Variants in ERBB4 observed in about 807,000 individuals in gnomAD.
ERBB4 encodes erb-b2 receptor tyrosine kinase 4.
A neutral mutation model predicts 158.0 loss-of-function variants in ERBB4; 42 were observed. That is an observed-to-expected ratio of 0.27 (90% CI 0.21 to 0.34). The LOEUF (loss-of-function observed/expected upper bound fraction) is 0.34. Ranked by LOEUF, ERBB4 falls within the 10% of genes least tolerant of loss-of-function variation. The pLI is 1.00. For missense variants in ERBB4, 1,333 were observed against 1,624.1 expected, an observed-to-expected ratio of 0.82 and a Z score of 3.08; for synonymous variants, 583 against 558.7, an observed-to-expected ratio of 1.04 and a Z score of -0.61.
chr2:212,004,275 G>C (rs1264437060), intron 2 of ERBB4, among the ~76,000 whole-genome samples: 3 of 152,116 alleles, frequency 2.0e-5, no homozygotes, highest in African/African-American at 7.2e-5. Flanking sequence ...ACATCAAGTT[G>C]ACTCCCTCAT....
At chr2:212,525,916 T>C (rs139729192) in intron 1 of ERBB4, among the ~76,000 whole-genome samples, 6 of 152,122 alleles carry the variant, frequency 3.9e-5, no homozygotes, top group African/African-American at 1.4e-4. Flanking sequence ...AGTAAAACTC[T>C]TGAATACCAA....
intron 20 of ERBB4, among the ~76,000 whole-genome samples, chr2:211,532,744 C>A (rs1318620118): frequency 6.6e-6 from 1 of 151,780 alleles, no homozygotes. Flanking sequence ...ATCCAAACTC[C>A]AAAAGGTTCA....
intron 3 of ERBB4, among the ~76,000 whole-genome samples, chr2:211,913,726 G>T (rs2079606823): frequency 1.3e-5 from 2 of 151,066 alleles, no homozygotes; most frequent in South Asian, 4.2e-4. Context: ...TTGGTATAGT[G>T]TCTATCACGT....
chr2:211,966,204 AC>A (rs1263221728), intron 2 of ERBB4, among the ~76,000 whole-genome samples: 1 of 152,104 alleles, frequency 6.6e-6, no homozygotes, highest in Non-Finnish European at 1.5e-5. Context: ...ACAGAGTGAG[AC>A]CCTGTCTTAA....
At chr2:211,391,841 T>A (rs1178443591) in intron 25 of ERBB4, among the ~76,000 whole-genome samples, 1 of 152,232 alleles carries the variant, frequency 6.6e-6, no homozygotes, top group Non-Finnish European at 1.5e-5. Context: ...GTGATATTTT[T>A]AAAAATTATT....
intron 12 of ERBB4, among the ~76,000 whole-genome samples, chr2:211,691,300 G>T (rs1338589251): frequency 6.6e-6 from 1 of 152,096 alleles, no homozygotes; most frequent in African/African-American, 2.4e-5. Context: ...ATGAAGATTA[G>T]ACATAAAATT....
intron 1 of ERBB4, among the ~76,000 whole-genome samples, chr2:212,347,208 G>T (rs2089045921): frequency 6.6e-6 from 1 of 152,066 alleles, no homozygotes; most frequent in Non-Finnish European, 1.5e-5. Flanking sequence ...GCCAAAGGAA[G>T]AAAAATGCAG....
intron 1 of ERBB4, among the ~76,000 whole-genome samples, chr2:212,380,610 T>C (rs1413554632): frequency 6.6e-6 from 1 of 150,936 alleles, no homozygotes; most frequent in Non-Finnish European, 1.5e-5. Context: ...TACACTTAAG[T>C]TATACTTAAA....
intron 19 of ERBB4, among the ~76,000 whole-genome samples, chr2:211,575,945 T>C (rs2067878281): frequency 6.6e-6 from 1 of 152,202 alleles, no homozygotes; most frequent in Admixed American, 6.5e-5. Context: ...ATTACCATCA[T>C]ATATTAAATT....
chr2:212,170,757 T>C (rs529067198), intron 1 of ERBB4, among the ~76,000 whole-genome samples: 18 of 152,278 alleles, frequency 1.2e-4, no homozygotes, highest in Admixed American at 7.2e-4. Context: ...TGCAGGCACA[T>C]GGAAGTCAAG....
At chr2:212,448,067 G>A (rs1297755918) in intron 1 of ERBB4, among the ~76,000 whole-genome samples, 1 of 151,996 alleles carries the variant, frequency 6.6e-6, no homozygotes, top group African/African-American at 2.4e-5. Flanking sequence ...ATTCACAACT[G>A]ACTTTTTCAA....
At position 211,865,865 on chromosome 2, in the gene ERBB4, T is replaced by C. The variant is rs1257612456; in HGVS notation, c.422-77706A>G. The stretch of plus-strand genomic sequence containing the variant: ...TCCAGTACCATTCATATTATACTAC[T>C]TAAGAAGAAAATGAGAGACTCTTAA... On this transcript the variant is annotated intron_variant, in intron 3 of 27. Coordinates refer to ENST00000342788, the MANE Select transcript of ERBB4 (RefSeq NM_005235.3). Among the ~76,000 whole-genome samples the C allele has an allele frequency of 5.3e-5, 8 of 152,140 alleles. No homozygotes were observed. The South Asian group carries it at 1.7e-3, about 32-fold the overall frequency.
intron 2 of ERBB4, among the ~76,000 whole-genome samples, chr2:212,098,619 A>T (rs975492887): frequency 2.0e-5 from 3 of 152,188 alleles, no homozygotes; most frequent in Non-Finnish European, 4.4e-5. Context: ...GCTTTATAAA[A>T]AGAAGTTTTT....
chr2:211,981,260 G>A (rs1043090923), intron 2 of ERBB4, among the ~76,000 whole-genome samples: 3 of 151,974 alleles, frequency 2.0e-5, no homozygotes, highest in Non-Finnish European at 4.4e-5. Context: ...CTGGACCTGC[G>A]CACAGACTAA....
chr2:211,615,158 T>C (rs1438469687), intron 19 of ERBB4, among the ~76,000 whole-genome samples: 1 of 151,918 alleles, frequency 6.6e-6, no homozygotes, highest in Non-Finnish European at 1.5e-5. Context: ...AGATAAAACA[T>C]TTAAAAACAG....
intron 2 of ERBB4, among the ~76,000 whole-genome samples, chr2:212,012,724 G>A (rs2076418917): frequency 1.3e-5 from 2 of 151,884 alleles, no homozygotes; most frequent in East Asian, 1.9e-4. Context: ...TTTTGTTGTT[G>A]TTGTTGTTGT....
At chr2:212,095,839 G>A (rs2078913829) in intron 2 of ERBB4, among the ~76,000 whole-genome samples, 1 of 151,554 alleles carries the variant, frequency 6.6e-6, no homozygotes. Context: ...GGAGGCTGAG[G>A]CAGGAGAATG....
chr2:212,444,728 A>T (rs2105991384), intron 1 of ERBB4, among the ~76,000 whole-genome samples: 1 of 152,208 alleles, frequency 6.6e-6, no homozygotes, highest in South Asian at 2.1e-4. Context: ...ATTTCCACTC[A>T]CCAAGGCTGA....
At chr2:211,503,873 A>T (rs2065677835) in intron 20 of ERBB4, among the ~76,000 whole-genome samples, 1 of 152,238 alleles carries the variant, frequency 6.6e-6, no homozygotes, top group Non-Finnish European at 1.5e-5. Flanking sequence ...CAGTGCTTGC[A>T]CATGCCTTAG....
Sources: allele counts gnomAD v4.1 joint callset (sites outside exome capture counted in the v4.1 genomes callset), GRCh38; gene constraint gnomAD v4.1.1; transcripts MANE v1.5; gene names NCBI Gene and HGNC (gene_info 2026-07-23, HGNC 2026-07-21).